CPLANE1: variants seen among roughly 807,000 people sequenced by gnomAD.
The protein encoded by CPLANE1 is ciliogenesis and planar polarity effector 1.
Under a neutral mutation model 362.5 loss-of-function variants are expected in CPLANE1, and 263 were observed. The ratio of observed to expected loss-of-function variants is 0.73; its 90% confidence interval spans 0.66 to 0.80. The LOEUF is 0.80. CPLANE1 is among the 30% of genes least tolerant of loss of function. The pLI is 0.00. For missense variants in CPLANE1, 3,461 were observed against 3,793.4 expected, an observed-to-expected ratio of 0.91 and a Z score of 2.30; for synonymous variants, 1,212 against 1,302.6, an observed-to-expected ratio of 0.93 and a Z score of 1.50.
rs1466753893 is a variant in CPLANE1, at chr5:37,186,325, GA to G, written c.4149del (p.His1384ThrfsTer12). On this transcript the variant is annotated frameshift_variant, in exon 24 of 53. Transcript: ENST00000651892. ...EDVRVPLRDK[Y>X]HSLHQRLRHC... ...TGTCTGAGTCTCTGGTGAAGAGAGT[GA>G]TATTTGTCTCTTAAAGGAACCCTCA... 1.2e-6 allele frequency: 2 copies of G among 1,600,480 alleles called. No homozygotes were observed. The highest frequency in any genetic ancestry group is 1.7e-6 in the Non-Finnish European group (2 of 1,167,926).
chr5:37,169,429 G>A lies in CPLANE1; in HGVS notation c.6595C>T (p.Leu2199Phe), dbSNP rs572837877. The A allele has an allele frequency of 2.6e-5, 42 of 1,614,196 alleles. No individual in the cohort carries two copies. Among genetic ancestry groups the A allele is most frequent in the Non-Finnish European group, 3.5e-5 (41 of 1,180,036 alleles). Reference sequence around the variant, plus strand: ...TGAACAACAGAAGGTGTGGACAAAAGGTAGAGGTGAGTATTTCCAGCAGGA... The same window carrying A: ...TGAACAACAGAAGGTGTGGACAAAAAGTAGAGGTGAGTATTTCCAGCAGGA... ...PAPAGNTHLY[L>F]LSTPSVVQKA... Residue 2199 changes from leucine to phenylalanine, a missense_variant, in exon 34 of 53, where the codon CTT becomes TTT. Transcript: ENST00000651892.
rs1163783060 is a variant in CPLANE1, at chr5:37,243,999, T to A, written c.570+376A>T. Among the ~76,000 whole-genome samples, 3 of 151,618 alleles carry A rather than the reference T, an allele frequency of 2.0e-5. No individual in the cohort carries two copies. In the East Asian group the frequency reaches 5.8e-4, roughly 29 times the overall value. On this transcript the variant is annotated intron_variant, in intron 5 of 52. Coordinates refer to ENST00000651892, the MANE Select transcript of CPLANE1 (RefSeq NM_001384732.1). ...CTGAGTAGCTGGGATTACAGGCATG[T>A]GCCACCACGCCCAGATAATTTTGTA...
At chr5:37,218,353 G>A (rs1314228744) in intron 15 of CPLANE1, among the ~76,000 whole-genome samples, 4 of 152,174 alleles carry the variant, frequency 2.6e-5, no homozygotes, top group Admixed American at 2.6e-4. Flanking sequence ...TTCCCTGGTA[G>A]ACTATATCTC....
rs1161340842 is a variant in CPLANE1 at position 37,231,019 on chromosome 5, C to A, written c.969G>T (p.Thr323=). 6.5e-7 allele frequency: 1 copy of A among 1,545,590 alleles called. No homozygotes were observed. Among genetic ancestry groups the A allele is most frequent in the Non-Finnish European group, 8.7e-7 (1 of 1,144,134 alleles). The part of the protein sequence containing the change: ...RSYWVGDISW[T]HDSLFLACML... The stretch of plus-strand genomic sequence containing the variant: ...TACAAGCCAGAAAAAGACTATCATG[C>A]GTCCAGCTGATATCACCTACCCAGT... The change falls in exon 9 of 53, where the codon ACG becomes ACT. Residue 323 remains threonine, a synonymous_variant. Transcript: ENST00000651892.
At chr5:37,239,675 CT>C in intron 7 of CPLANE1, 37 bp downstream of exon 7, 2 of 1,304,740 alleles carry the variant, frequency 1.5e-6, no homozygotes. Context: ...TAAACTCCTT[CT>C]TTTATAGATT....
At chr5:37,191,113 G>A (rs1785425245) in intron 21 of CPLANE1, among the ~76,000 whole-genome samples, 1 of 152,054 alleles carries the variant, frequency 6.6e-6, no homozygotes, top group Non-Finnish European at 1.5e-5. Flanking sequence ...AAGATGTGGA[G>A]GTGGAGGACA....
chr5:37,209,827 AAAGTTG>A lies in CPLANE1; in HGVS notation c.2921-3408_2921-3403del. The A allele has an allele frequency of 1.5e-6, 2 of 1,353,844 alleles. No individual in the cohort carries two copies. The highest frequency in any genetic ancestry group is 2.1e-6 in the Non-Finnish European group (2 of 945,276). The allele number at this position is 1,353,844 out of a possible 1,614,324, so 83.9% of individuals were successfully genotyped here. On this transcript the variant is annotated intron_variant, in intron 16 of 52. Transcript: ENST00000651892. This position sits in a 1 kb window ranked among gnomAD's most constrained non-coding sequence, Gnocchi z 4.6. Reference sequence around the variant, plus strand: ...TTGGCAGAATATCATCAAGCTAAAGAAAGTTGTAATATGGAAACTCAGACAAGTTCG... The same window carrying A: ...TTGGCAGAATATCATCAAGCTAAAGATAATATGGAAACTCAGACAAGTTCG...
At chr5:37,170,358 T>TTTTTATTATAAAA in intron 32 of CPLANE1, 27 bp from the exon 33 acceptor site, 1 of 1,577,506 alleles carries the variant, frequency 6.3e-7, no homozygotes, top group East Asian at 2.2e-5. Flanking sequence ...ATTGAAGCGA[T>TTTTTATTATAAAA]ATCTTAAAAT....
At chr5:37,081,603 A>G in the CPLANE1 span, among the ~76,000 whole-genome samples, 90,678 of 151,734 alleles carry the variant, frequency 0.6, 29,489 homozygotes, top group African/African-American at 0.87. Flanking sequence ...GATTACAGGT[A>G]TGAGCCACTG....
downstream of CPLANE1, among the ~76,000 whole-genome samples, chr5:37,104,451 G>A (rs1436402094): frequency 6.6e-6 from 1 of 151,058 alleles, no homozygotes; most frequent in Non-Finnish European, 1.5e-5. Flanking sequence ...ATACAGAAAA[G>A]TAGCCGGGCA....
intron 1 of CPLANE1, among the ~76,000 whole-genome samples, chr5:37,248,631 T>C (rs942264189): frequency 2.0e-5 from 3 of 152,094 alleles, no homozygotes; most frequent in African/African-American, 7.2e-5. Flanking sequence ...CACTCCAGCG[T>C]GGGCAACGCA....
At chr5:37,158,850 A>G (rs1049806718) in intron 38 of CPLANE1, among the ~76,000 whole-genome samples, 8 of 148,930 alleles carry the variant, frequency 5.4e-5, no homozygotes, top group African/African-American at 7.5e-5. Flanking sequence ...GTGCAGTAAC[A>G]TGATCTAAGC....
chr5:37,081,098 A>T, the CPLANE1 span, among the ~76,000 whole-genome samples: 1 of 152,148 alleles, frequency 6.6e-6, no homozygotes, highest in Non-Finnish European at 1.5e-5. Context: ...CTCGAGGCTA[A>T]GAGTTCAAGA....
Position 37,140,696 on chromosome 5 carries a change from G to C in CPLANE1, c.8633-1326C>G, listed in dbSNP as rs934304219. On this transcript the variant is annotated intron_variant, in intron 44 of 52. Coordinates refer to ENST00000651892, the MANE Select transcript of CPLANE1 (RefSeq NM_001384732.1). The stretch of plus-strand genomic sequence containing the variant: ...AGTAGGTGAGATTAGCGAAGATGGT[G>C]ACCTCTTGGGTTAAAGATTGAAGTG... 3 of 985,400 alleles carry C rather than the reference G, an allele frequency of 3.0e-6. No homozygotes were observed. In the East Asian group the frequency reaches 3.4e-4, roughly 112 times the overall value. The allele number at this position is 985,400 out of a possible 1,614,324, so 61.0% of individuals were successfully genotyped here.
chr5:37,156,002 T>G (rs1443201163), intron 41 of CPLANE1, among the ~76,000 whole-genome samples: 1 of 152,212 alleles, frequency 6.6e-6, no homozygotes, highest in Non-Finnish European at 1.5e-5. Flanking sequence ...AGAGAGAAGA[T>G]GAAGGCTTTA....
In CPLANE1 at chr5:37,226,332, C is replaced by T. The variant is rs1286064292; in HGVS notation, c.2263G>A (p.Val755Ile). 6.5e-7 allele frequency: 1 copy of T among 1,537,472 alleles called. No homozygotes were observed. Among genetic ancestry groups the T allele is most frequent in the East Asian group, 2.5e-5 (1 of 40,782 alleles). Residue 755 changes from valine (V) to isoleucine (I), a missense_variant, in exon 12 of 53, where the codon GTA (valine) becomes ATA (isoleucine). Around this residue, in one of 2 missense-constraint regions of CPLANE1, gnomAD observed 3,380 missense variants for 3,666.1 expected, o/e 0.92. Transcript: ENST00000651892. ...TGTCCTGGCTGTTGCACAGGATTTA[C>T]TACTTGAGGATGAATCTTGAAAAAT... is the stretch of plus-strand genomic sequence containing the variant. ...NSFFKIHPQV[V>I]NPVQQPGHRL...
chr5:37,095,785 G>A, the CPLANE1 span, among the ~76,000 whole-genome samples: 1 of 152,064 alleles, frequency 6.6e-6, no homozygotes, highest in Non-Finnish European at 1.5e-5. Flanking sequence ...TACACCAACA[G>A]CAACCAAGCT....
At chr5:37,163,296 G>C (rs762116195) in intron 37 of CPLANE1, among the ~76,000 whole-genome samples, 5 of 152,220 alleles carry the variant, frequency 3.3e-5, no homozygotes, top group Non-Finnish European at 5.9e-5. Flanking sequence ...GAATGGATAA[G>C]AGGGAAGACA....
rs542420801 is a variant in CPLANE1, at chr5:37,149,171, A to G, written c.8374-903T>C. On this transcript the variant is annotated intron_variant, in intron 42 of 52. Transcript: ENST00000651892. The stretch of plus-strand genomic sequence containing the variant: ...AATATCTTCCTTTTCCCTGGGAGAT[A>G]TGTTCCAAGACGCCCAGTGGATGCC... Among the ~76,000 whole-genome samples, 6 of 152,174 alleles carry G rather than the reference A, an allele frequency of 3.9e-5. No homozygotes were observed. In the South Asian group the frequency reaches 8.3e-4, roughly 21 times the overall value.
Sources: gnomAD v4.1 joint callset for allele counts (sites outside exome capture counted in the v4.1 genomes callset) on GRCh38, gnomAD v4.1.1 for gene constraint, gnomAD v4.1.1 regional missense constraint, Gnocchi (gnomAD v3.1) non-coding constraint, MANE v1.5 for transcripts, NCBI Gene and HGNC (gene_info 2026-07-23, HGNC 2026-07-21) for gene names.